Variants in RYR3 observed in about 807,000 individuals in gnomAD.
RYR3 encodes ryanodine receptor 3, also known as brain ryanodine receptor-calcium release channel.
In RYR3, 207 loss-of-function variants were observed where a neutral mutation model predicts 584.3. The ratio of observed to expected loss-of-function variants is 0.35; its 90% CI spans 0.32 to 0.40. RYR3 has a LOEUF of 0.40. RYR3 is among the 10% of genes least tolerant of loss of function. The pLI is 1.00. For synonymous variants in RYR3, 2,416 were observed against 2,248.5 expected (o/e 1.07, Z -2.11); for missense variants, 5,616 against 6,089.2 (o/e 0.92, Z 2.59).
At chr15:33,630,699 C>A (rs2061221455) in intron 22 of RYR3, among the ~76,000 whole-genome samples, 1 of 152,206 alleles carries the variant, frequency 6.6e-6, no homozygotes, top group Non-Finnish European at 1.5e-5. Context: ...ACAGCTCATG[C>A]CCTTACAGGC....
intron 87 of RYR3, 29 bp from the exon 88 acceptor site, chr15:33,836,877 C>G: frequency 6.3e-7 from 1 of 1,587,478 alleles, no homozygotes; most frequent in Non-Finnish European, 8.6e-7. Flanking sequence ...GATCAGATAG[C>G]TCAGGGGTAT....
chr15:33,656,160 A>G (rs1019266026), intron 32 of RYR3, among the ~76,000 whole-genome samples: 1 of 152,256 alleles, frequency 6.6e-6, no homozygotes, highest in African/African-American at 2.4e-5. Context: ...ATTCAGGCCC[A>G]TTCCTGTGCC....
intron 22 of RYR3, among the ~76,000 whole-genome samples, chr15:33,630,884 G>A (rs1253423919): frequency 2.0e-5 from 3 of 152,130 alleles, no homozygotes; most frequent in Non-Finnish European, 4.4e-5. Context: ...CATCTAAATC[G>A]GGAGTTGACA....
At chr15:33,603,046 C>A in intron 17 of RYR3, 77 bp from the exon 18 acceptor site, 1 of 1,499,746 alleles carries the variant, frequency 6.7e-7, no homozygotes, top group Admixed American at 1.8e-5. Flanking sequence ...TGGGCCGTTG[C>A]CTCCTATGGT....
At chr15:33,563,497 T>A (rs1296687808) in intron 11 of RYR3, among the ~76,000 whole-genome samples, 1 of 152,114 alleles carries the variant, frequency 6.6e-6, no homozygotes. Context: ...TTGATTTGAG[T>A]GGTGCATCAC....
chr15:33,333,889 T>C lies in RYR3; in HGVS notation c.51+22793T>C, dbSNP rs530548537. Among the ~76,000 whole-genome samples, 3 of 152,282 alleles carry C rather than the reference T, an allele frequency of 2.0e-5. No homozygotes were observed. In the South Asian group the frequency reaches 6.2e-4, roughly 32 times the overall value. ...AATGTGCAAAAATTGCTAATATTCT[T>C]CTACACTAACAACAGTCTAGCCAAG... On this transcript the variant is annotated intron_variant, in intron 1 of 103. Coordinates refer to ENST00000634891, the MANE Select transcript of RYR3 (RefSeq NM_001036.6).
intron 1 of RYR3, among the ~76,000 whole-genome samples, chr15:33,402,939 C>CCTGG (rs1232298570): frequency 2.0e-5 from 3 of 152,204 alleles, no homozygotes; most frequent in Admixed American, 2.0e-4. Flanking sequence ...ATGGGCAGTG[C>CCTGG]CTGCCTCACT....
intron 43 of RYR3, among the ~76,000 whole-genome samples, chr15:33,709,285 G>A (rs1323963621): frequency 6.6e-6 from 1 of 152,092 alleles, no homozygotes; most frequent in Non-Finnish European, 1.5e-5. Context: ...GGTTCAAGAG[G>A]GGAAACTTAT....
intron 2 of RYR3, among the ~76,000 whole-genome samples, chr15:33,489,392 T>C (rs990351737): frequency 1.3e-5 from 2 of 152,206 alleles, no homozygotes; most frequent in Admixed American, 1.3e-4. Context: ...CCATGTCTGT[T>C]GTTTCCTTCT....
intron 87 of RYR3, 80 bp from the exon 88 acceptor site, chr15:33,836,826 G>C (rs2078085088): frequency 2.6e-5 from 29 of 1,131,370 alleles, no homozygotes; most frequent in Non-Finnish European, 3.8e-5. Context: ...AACCTTTCCA[G>C]AGCAGGCTCT....
intron 18 of RYR3, 80 bp from the exon 19 acceptor site, chr15:33,613,103 C>G: frequency 9.3e-7 from 1 of 1,079,642 alleles, no homozygotes. Context: ...CCCCACCTCC[C>G]GCAGAGGCCT....
chr15:33,637,968 A>G (rs944054387), intron 27 of RYR3, among the ~76,000 whole-genome samples: 14 of 151,860 alleles, frequency 9.2e-5, no homozygotes, highest in African/African-American at 3.1e-4. Context: ...CCATCCCACA[A>G]CAGGCCCCGG....
rs775097876 is a variant in RYR3, at chr15:33,736,189, T to C, written c.7425-46T>C. 4.8e-6 allele frequency: 6 copies of C among 1,245,956 alleles called. No individual in the cohort carries two copies. In the South Asian group the frequency reaches 7.6e-5, roughly 16 times the overall value. 77.2% of individuals were successfully genotyped at this position (1,245,956 alleles called of 1,614,324 possible). On this transcript the variant is annotated intron_variant, in intron 48 of 103. Coordinates refer to ENST00000634891, the MANE Select transcript of RYR3 (RefSeq NM_001036.6). ...TGTTTCTTTCATTCCTCCTTTATTA[T>C]TATGTTTTCATTTTATTTATCTACG... is the stretch of plus-strand genomic sequence containing the variant.
chr15:33,567,159 G>A lies in RYR3; in HGVS notation c.1268+360G>A, dbSNP rs1002370868. 5.3e-5 allele frequency among the ~76,000 whole-genome samples: 8 copies of A among 152,316 alleles called. No homozygotes were observed. In the South Asian group the frequency reaches 1.5e-3, roughly 28 times the overall value. On this transcript the variant is annotated intron_variant, in intron 12 of 103. Coordinates refer to ENST00000634891, the MANE Select transcript of RYR3 (RefSeq NM_001036.6). The stretch of plus-strand genomic sequence containing the variant: ...ACTGATACACTCCCCCATGTGTTAT[G>A]TAGAAAGGGTTTCTACAATCATTCA...
chr15:33,860,491 A>AAAAAAAAAAG (rs1374418405), intron 100 of RYR3, 104 bp from the exon 101 acceptor site: 1 of 645,572 alleles, frequency 1.5e-6, no homozygotes, highest in African/African-American at 1.8e-5. Context: ...TGCTTTGATA[A>AAAAAAAAAAG]TTCACTTTTT....
intron 41 of RYR3, 21 bp from the exon 42 acceptor site, chr15:33,700,956 A>T: frequency 6.3e-7 from 1 of 1,580,756 alleles, no homozygotes; most frequent in Non-Finnish European, 8.7e-7. Flanking sequence ...TTTTCTTGCT[A>T]ATTCTCCCCT....
At chr15:33,388,449 G>T (rs571016093) in intron 1 of RYR3, among the ~76,000 whole-genome samples, 21 of 152,278 alleles carry the variant, frequency 1.4e-4, no homozygotes, top group Non-Finnish European at 1.9e-4. Flanking sequence ...CAGGAGAAAT[G>T]ATTGCTTTGG....
chr15:33,819,664 A>T, intron 76 of RYR3, 92 bp from the exon 77 acceptor site: 2 of 778,482 alleles, frequency 2.6e-6, no homozygotes, highest in Non-Finnish European at 3.5e-6. Context: ...ACAAGAGAAA[A>T]CTCTGTCTCA....
At chr15:33,510,292 A>G (rs1295648594) in intron 3 of RYR3, among the ~76,000 whole-genome samples, 1 of 152,206 alleles carries the variant, frequency 6.6e-6, no homozygotes, top group Non-Finnish European at 1.5e-5. Context: ...CCTCTACATG[A>G]CATCACTTAG....
Sources: gnomAD v4.1 joint callset for allele counts (sites outside exome capture counted in the v4.1 genomes callset) on GRCh38, gnomAD v4.1.1 for gene constraint, MANE v1.5 for transcripts, NCBI Gene and HGNC (gene_info 2026-07-23, HGNC 2026-07-21) for gene names.